The following PLEKHG6 variants were observed in gnomAD, a reference collection of about 807,000 sequenced individuals.
PLEKHG6 encodes the protein pleckstrin homology and RhoGEF domain containing G6, also known as pleckstrin homology domain-containing family G member 6.
PLEKHG6 carries 91 observed loss-of-function variants against 97.5 expected under a neutral mutation model. The ratio of observed to expected loss-of-function variants is 0.93; its 90% CI spans 0.79 to 1.11. The LOEUF is 1.11. PLEKHG6 is among the 50% of genes most tolerant of loss of function. The probability of loss-of-function intolerance (pLI) is 0.00; values close to 1 mark genes in which losing one functional copy is unlikely to be tolerated. For missense variants in PLEKHG6, 1,044 were observed against 1,031.0 expected, an observed-to-expected ratio of 1.01 and a Z score of -0.17; for synonymous variants, 466 against 425.5, an observed-to-expected ratio of 1.10 and a Z score of -1.17.
At chr12:6,323,693 G>T (rs746017832) in intron 13 of PLEKHG6, among the ~76,000 whole-genome samples, 13 of 152,346 alleles carry the variant, frequency 8.5e-5, no homozygotes, top group Admixed American at 2.0e-4. Flanking sequence ...TGAAGGAGAG[G>T]CCCGAGCAGC....
chr12:6,326,647 G>A lies in PLEKHG6; in HGVS notation c.1670+74G>A, dbSNP rs148399860. On this transcript the variant is annotated intron_variant, in intron 14 of 15. Transcript: ENST00000684764. ...CATAAGGCTGAGAAATGGCATTACT[G>A]CACATTTTTGGTGGAATTGGGAATA... 2.4e-4 allele frequency: 313 copies of A among 1,320,828 alleles called. 1 individual carries two copies. Among genetic ancestry groups the A allele is most frequent in the Non-Finnish European group, 3.0e-4 (299 of 1,005,456 alleles). 81.8% of individuals were successfully genotyped at this position (1,320,828 alleles called of 1,614,324 possible). A position where few individuals can be genotyped will look rare whatever the true frequency, so the allele number is the denominator to read the frequency against.
At chr12:6,325,478 A>G (rs1947831477) in intron 13 of PLEKHG6, among the ~76,000 whole-genome samples, 1 of 152,192 alleles carries the variant, frequency 6.6e-6, no homozygotes, top group Non-Finnish European at 1.5e-5. Flanking sequence ...TTTCCTTTTG[A>G]TGGTACCTGT....
chr12:6,323,004 T>G (rs973834349), intron 13 of PLEKHG6, among the ~76,000 whole-genome samples: 1 of 152,224 alleles, frequency 6.6e-6, no homozygotes, highest in African/African-American at 2.4e-5. Context: ...GGATAGCCAG[T>G]GGGGCTGGCA....
Position 6,317,350 on chromosome 12 carries a change from G to A in PLEKHG6, c.804G>A (p.Lys268=). Reference sequence around the variant, plus strand: ...ATGTCCAGTACTGCCTCCGAGTGAAGCAGACCATGGCTTACGCCCGAGAAC... The same window carrying A: ...ATGTCCAGTACTGCCTCCGAGTGAAACAGACCATGGCTTACGCCCGAGAAC... ...HPYVQYCLRV[K]QTMAYAREQQ... is the part of the protein sequence containing the mutation. Residue 268 remains lysine, a synonymous_variant, in exon 8 of 16, where the codon AAG becomes AAA. Transcript: ENST00000684764. 6.2e-7 allele frequency: 1 copy of A among 1,614,144 alleles called. No individual in the cohort carries two copies. The highest frequency in any genetic ancestry group is 1.1e-5 in the South Asian group (1 of 91,088).
Position 6,313,490 on chromosome 12 carries a change from G to T in PLEKHG6, c.139-139G>T, listed in dbSNP as rs949093071. The T allele has an allele frequency of 6.8e-6, 7 of 1,030,556 alleles. No homozygotes were observed. The African/African-American group carries it at 1.1e-4, about 16-fold the overall frequency. The allele number at this position is 1,030,556 out of a possible 1,614,324, so 63.8% of individuals were successfully genotyped here. A position where few individuals can be genotyped will look rare whatever the true frequency, so the allele number is the denominator to read the frequency against. On this transcript the variant is annotated intron_variant, in intron 2 of 15. Transcript: ENST00000684764. ...GGCAGGAGCAGTCCACACCAAACTG[G>T]TTTGCAGGGAGAAGTGAGCCAGCCC...
rs913795047 is a variant in PLEKHG6, at chr12:6,317,982, T to G, written c.1143T>G (p.Asp381Glu). 2 of 1,589,964 alleles carry G rather than the reference T, an allele frequency of 1.3e-6. No homozygotes were observed. Among genetic ancestry groups the G allele is most frequent in the Non-Finnish European group, 1.7e-6 (2 of 1,168,030 alleles). The change falls in exon 10 of 16, where the codon GAT (aspartate) becomes GAG (glutamate). Residue 381 changes from aspartate to glutamate, a missense_variant. Physicochemically the swap from Asp to Glu is conservative, Grantham distance 45 (BLOSUM62 2). Coordinates refer to ENST00000684764, the MANE Select transcript of PLEKHG6 (RefSeq NM_001384598.1). ...GPYEVLEPPSDEVEKNLRPFS... is the reference protein window; with the variant it reads ...GPYEVLEPPSEEVEKNLRPFS... ...ACGAGGTGCTGGAGCCACCCAGTGA[T>G]GAGGTGGAGAAGGTGAGAGGGCAAA... is the stretch of plus-strand genomic sequence containing the variant.
chr12:6,317,548 G>C lies in PLEKHG6; in HGVS notation c.869G>C (p.Trp290Ser). ...GAGCCCCACCCACCTTCCCTGCAGT[G>C]GTGTGAGAAGCACAAGCGCTCTGGG... Reference protein sequence around the residue: ...TNPLFHAFVQWCEKHKRSGRQ... With the variant: ...TNPLFHAFVQSCEKHKRSGRQ... The change falls in exon 9 of 16, where the codon TGG becomes TCG. Residue 290 changes from tryptophan to serine, a missense_variant and splice_region_variant. Coordinates refer to ENST00000684764, the MANE Select transcript of PLEKHG6 (RefSeq NM_001384598.1). The C allele has an allele frequency of 2.5e-6, 4 of 1,613,538 alleles. No homozygotes were observed. The highest frequency in any genetic ancestry group is 3.4e-6 in the Non-Finnish European group (4 of 1,179,848).
Position 6,316,336 on chromosome 12 carries a change from AC to A in PLEKHG6, c.691del (p.Leu231TrpfsTer21). On this transcript the variant is annotated frameshift_variant, in exon 7 of 16. Coordinates refer to ENST00000684764, the MANE Select transcript of PLEKHG6 (RefSeq NM_001384598.1). LOFTEE classifies it high-confidence loss of function. This position sits in a 1 kb window ranked among gnomAD's most constrained non-coding sequence, Gnocchi z 4.1. ...RSFWDEVLGP[T>X]LEETRASGQP... ...CTTTTGGGATGAGGTGCTGGGGCCC[AC>A]CCTGGAGGAGACTCGGGCCTCGGGC... 1 of 1,561,960 alleles carries A rather than the reference AC, an allele frequency of 6.4e-7. No homozygotes were observed. The highest frequency in any genetic ancestry group is 8.7e-7 in the Non-Finnish European group (1 of 1,152,470).
At chr12:6,328,039 C>G (rs970711414) in intron 15 of PLEKHG6, 93 bp downstream of exon 15, 24 of 1,583,220 alleles carry the variant, frequency 1.5e-5, no homozygotes, top group Non-Finnish European at 2.1e-5. Flanking sequence ...AAAGCAGGAA[C>G]AGGGGCTGAG....
At chr12:6,320,529 T>C (rs1012009806) in intron 13 of PLEKHG6, among the ~76,000 whole-genome samples, 3 of 152,176 alleles carry the variant, frequency 2.0e-5, no homozygotes, top group African/African-American at 7.2e-5. Context: ...TGTCTTCCCA[T>C]GGCCTTCCTC....
At position 6,317,977 on chromosome 12, in the gene PLEKHG6, A is replaced by T; in HGVS notation, c.1138A>T (p.Ser380Cys). The T allele has an allele frequency of 6.3e-7, 1 of 1,590,472 alleles. No homozygotes were observed. The highest frequency in any genetic ancestry group is 8.6e-7 in the Non-Finnish European group (1 of 1,168,406). The change falls in exon 10 of 16, where the codon AGT becomes TGT. Residue 380 changes from serine to cysteine, a missense_variant. Physicochemically the swap from Ser to Cys is moderately radical, Grantham distance 112. Coordinates refer to ENST00000684764, the MANE Select transcript of PLEKHG6 (RefSeq NM_001384598.1). ...GCCCTACGAGGTGCTGGAGCCACCCAGTGATGAGGTGGAGAAGGTGAGAGG... is the reference window on the plus strand; with the variant it reads ...GCCCTACGAGGTGCTGGAGCCACCCTGTGATGAGGTGGAGAAGGTGAGAGG... The part of the protein sequence containing the change: ...IGPYEVLEPP[S>C]DEVEKNLRPF...
In PLEKHG6 at chr12:6,326,358, G is replaced by C. The variant is rs1947854751; in HGVS notation, c.1525-70G>C. On this transcript the variant is annotated intron_variant, in intron 13 of 15. Transcript: ENST00000684764. The stretch of plus-strand genomic sequence containing the variant: ...TAAGGTAATATATGTAACGCACTTA[G>C]CAGGGTGCCTGGCAAACAGCAAGTG... 3.7e-6 allele frequency: 4 copies of C among 1,090,992 alleles called. No homozygotes were observed. In the South Asian group the frequency reaches 5.1e-5, roughly 14 times the overall value. 67.6% of individuals were successfully genotyped at this position (1,090,992 alleles called of 1,614,324 possible).
intron 2 of PLEKHG6, chr12:6,313,264 C>T (rs1947335748): frequency 8.2e-6 from 11 of 1,348,234 alleles, no homozygotes; most frequent in East Asian, 2.5e-5. Flanking sequence ...ATGCTGTGTG[C>T]ACCACGCCTT....
At position 6,315,648 on chromosome 12, in the gene PLEKHG6, A is replaced by G; in HGVS notation, c.554A>G (p.Asp185Gly). ...IYVRKLKIMT[D>G]LLAAGLLNLQ... ...GTGAGAAAGCTCAAGATCATGACTGATGTGAGCCCCCCTCAGCCCCAGCCC... is the reference window on the plus strand; with the variant it reads ...GTGAGAAAGCTCAAGATCATGACTGGTGTGAGCCCCCCTCAGCCCCAGCCC... The change falls in exon 5 of 16, where the codon GAT (aspartate) becomes GGT (glycine). Residue 185 changes from aspartate (D) to glycine (G), a missense_variant and splice_region_variant. Asp to Gly is a moderately conservative substitution (Grantham distance 94, BLOSUM62 -1). Transcript: ENST00000684764. This position sits in a 1 kb window ranked among gnomAD's most constrained non-coding sequence, Gnocchi z 4.5. 6.4e-7 allele frequency: 1 copy of G among 1,572,748 alleles called. No homozygotes were observed. The highest frequency in any genetic ancestry group is 1.1e-5 in the South Asian group (1 of 89,228).
chr12:6,315,458 C>G lies in PLEKHG6; in HGVS notation c.460-96C>G, dbSNP rs912330079. Reference sequence around the variant, plus strand: ...AAGGTCATGGTCATGCACAAAGTGCCTAGAACCTATGAAGTGGATCCGGTC... The same window carrying G: ...AAGGTCATGGTCATGCACAAAGTGCGTAGAACCTATGAAGTGGATCCGGTC... On this transcript the variant is annotated intron_variant, in intron 4 of 15. Coordinates refer to ENST00000684764, the MANE Select transcript of PLEKHG6 (RefSeq NM_001384598.1). The surrounding 1 kb of genome is among the most constrained non-coding windows in gnomAD (Gnocchi z 4.5). 2.4e-6 allele frequency: 2 copies of G among 824,246 alleles called. No homozygotes were observed. The highest frequency in any genetic ancestry group is 3.9e-6 in the Non-Finnish European group (2 of 508,126). The allele number at this position is 824,246 out of a possible 1,614,324, so 51.1% of individuals were successfully genotyped here.
intron 13 of PLEKHG6, among the ~76,000 whole-genome samples, chr12:6,325,409 G>A (rs1040354333): frequency 2.0e-5 from 3 of 152,180 alleles, no homozygotes; most frequent in African/African-American, 7.2e-5. Flanking sequence ...GGGCAATGAT[G>A]TGTATCAAAT....
At chr12:6,311,552 C>A (rs554485590) in intron 1 of PLEKHG6, among the ~76,000 whole-genome samples, 1 of 152,338 alleles carries the variant, frequency 6.6e-6, no homozygotes, top group East Asian at 1.9e-4. Context: ...GGATGGATTC[C>A]AACAAAACTG....
chr12:6,323,159 C>T (rs1395988292), intron 13 of PLEKHG6, among the ~76,000 whole-genome samples: 2 of 152,200 alleles, frequency 1.3e-5, no homozygotes, highest in South Asian at 2.1e-4. Context: ...CTGAAAATTA[C>T]GGGTATTTTA....
At position 6,317,656 on chromosome 12, in the gene PLEKHG6, G is replaced by A; in HGVS notation, c.977G>A (p.Arg326Lys). The A allele has an allele frequency of 6.2e-7, 1 of 1,613,980 alleles. No homozygotes were observed. Among genetic ancestry groups the A allele is most frequent in the South Asian group, 1.1e-5 (1 of 91,082 alleles). Residue 326 changes from arginine to lysine, a missense_variant, in exon 9 of 16, where the codon AGG becomes AAG. Physicochemically the swap from Arg to Lys is conservative, Grantham distance 26. Transcript: ENST00000684764. ...YPLLLHAVLK[R>K]SPEARAQEAL... ...CTGCTGCTCCATGCTGTGCTCAAGAGGAGCCCCGAGGCACGAGCCCAAGAG... is the reference window on the plus strand; with the variant it reads ...CTGCTGCTCCATGCTGTGCTCAAGAAGAGCCCCGAGGCACGAGCCCAAGAG...
Sources: gnomAD v4.1 joint callset for allele counts (sites outside exome capture counted in the v4.1 genomes callset) on GRCh38, gnomAD v4.1.1 for gene constraint, Gnocchi (gnomAD v3.1) non-coding constraint, MANE v1.5 for transcripts, NCBI Gene and HGNC (gene_info 2026-07-23, HGNC 2026-07-21) for gene names.